Variants in ZFHX4 observed in about 807,000 individuals in gnomAD.
The protein encoded by ZFHX4 is zinc finger homeobox protein 4.
In ZFHX4, 56 loss-of-function variants were observed where a neutral mutation model predicts 267.6. That is an observed-to-expected ratio of 0.21 (90% CI 0.17 to 0.26). The LOEUF (loss-of-function observed/expected upper bound fraction) is 0.26. ZFHX4 is among the 10% of genes least tolerant of loss of function. ZFHX4 has a pLI of 1.00. For synonymous variants in ZFHX4, 1,778 were observed against 1,665.6 expected (o/e 1.07, Z -1.64); for missense variants, 4,332 against 4,420.0 (o/e 0.98, Z 0.56).
intron 4 of ZFHX4, among the ~76,000 whole-genome samples, chr8:76,827,099 C>A (rs1585984817): frequency 6.6e-6 from 1 of 152,220 alleles, no homozygotes; most frequent in South Asian, 2.1e-4. Flanking sequence ...TGGTCTCCAA[C>A]CTTTTTGGCA....
intron 3 of ZFHX4, among the ~76,000 whole-genome samples, chr8:76,736,866 C>G (rs1345689375): frequency 6.6e-6 from 1 of 152,002 alleles, no homozygotes; most frequent in African/African-American, 2.4e-5. Context: ...TAGGAGTAGT[C>G]CTGAAGCTGT....
At chr8:76,822,317 A>G (rs1379371492) in intron 4 of ZFHX4, among the ~76,000 whole-genome samples, 1 of 152,106 alleles carries the variant, frequency 6.6e-6, no homozygotes, top group East Asian at 1.9e-4. Context: ...TTGGTCCAAG[A>G]CACCATCATC....
chr8:76,857,309 A>G (rs137906813), intron 10 of ZFHX4, among the ~76,000 whole-genome samples: 6,825 of 149,950 alleles, frequency 0.046, 231 homozygotes, highest in Middle Eastern at 0.11. Flanking sequence ...TTCTTTTTAA[A>G]AGGAAAATTT....
At position 76,743,171 on chromosome 8, in the gene ZFHX4, A is replaced by G. The variant is rs188195170; in HGVS notation, c.3094-35037A>G. 2.0e-5 allele frequency among the ~76,000 whole-genome samples: 3 copies of G among 152,306 alleles called. No homozygotes were observed. In the East Asian group the frequency reaches 5.8e-4, roughly 29 times the overall value. Reference sequence around the variant, plus strand: ...ATTAAGAGTAGAGAGTTTGCCACTAACACAGCCACAGATTTCAGGCCTTCA... The same window carrying G: ...ATTAAGAGTAGAGAGTTTGCCACTAGCACAGCCACAGATTTCAGGCCTTCA... On this transcript the variant is annotated intron_variant, in intron 3 of 10. Transcript: ENST00000651372.
At chr8:76,766,522 C>T (rs980157907) in intron 3 of ZFHX4, among the ~76,000 whole-genome samples, 1 of 151,928 alleles carries the variant, frequency 6.6e-6, no homozygotes, top group Non-Finnish European at 1.5e-5. Context: ...GCCTGAAAAG[C>T]AAAAACACTA....
intron 8 of ZFHX4, 38 bp downstream of exon 8, chr8:76,849,750 C>T (rs1372879857): frequency 6.5e-7 from 1 of 1,539,450 alleles, no homozygotes. Context: ...GTGACATAAT[C>T]TGTGTCAGGA....
In ZFHX4 at chr8:76,853,152, C is replaced by T; in HGVS notation, c.6231C>T (p.Leu2077=). 1 of 1,527,022 alleles carries T rather than the reference C, an allele frequency of 6.5e-7. No homozygotes were observed. Among genetic ancestry groups the T allele is most frequent in the Non-Finnish European group, 8.8e-7 (1 of 1,134,810 alleles). 94.6% of individuals were successfully genotyped at this position (1,527,022 alleles called of 1,614,324 possible). A position where few individuals can be genotyped will look rare whatever the true frequency, so the allele number is the denominator to read the frequency against. The change falls in exon 10 of 11, where the codon CTC becomes CTT. Residue 2077 remains leucine (L), a synonymous_variant. Transcript: ENST00000651372. ...TGCCGGTTTCTCTGGACCTGCCGCT[C>T]TTTCCTTCCATTATGATGCAACCTG... is the stretch of plus-strand genomic sequence containing the variant. ...VQLPVSLDLP[L]FPSIMMQPVQ... is the part of the protein sequence containing the mutation.
Position 76,849,412 on chromosome 8 carries a change from A to G in ZFHX4, c.3646-100A>G, listed in dbSNP as rs76586616. The G allele has an allele frequency of 5.5e-4, 605 of 1,096,270 alleles. 4 individuals are homozygous for G. The African/African-American group carries it at 8.4e-3, about 15-fold the overall frequency. The allele number at this position is 1,096,270 out of a possible 1,614,324, so 67.9% of individuals were successfully genotyped here. A position where few individuals can be genotyped will look rare whatever the true frequency, so the allele number is the denominator to read the frequency against. ...GATTTGATTATTACACATTGTAAGCATGTACCAAAATATCACACGTACCCC... is the reference window on the plus strand; with the variant it reads ...GATTTGATTATTACACATTGTAAGCGTGTACCAAAATATCACACGTACCCC... On this transcript the variant is annotated intron_variant, in intron 7 of 10. Coordinates refer to ENST00000651372, the MANE Select transcript of ZFHX4 (RefSeq NM_024721.5).
chr8:76,856,370 G>T, intron 10 of ZFHX4, 70 bp downstream of exon 10: 1 of 1,548,492 alleles, frequency 6.5e-7, no homozygotes, highest in Non-Finnish European at 8.8e-7. Flanking sequence ...ATGTAACCAA[G>T]AACGGGGTGC....
At chr8:76,765,333 T>C (rs1810024084) in intron 3 of ZFHX4, among the ~76,000 whole-genome samples, 1 of 152,170 alleles carries the variant, frequency 6.6e-6, no homozygotes, top group Non-Finnish European at 1.5e-5. Flanking sequence ...TATTTTTCTT[T>C]ATGAAAAGTA....
At chr8:76,785,837 TG>T (rs1298045910) in intron 4 of ZFHX4, among the ~76,000 whole-genome samples, 1 of 152,186 alleles carries the variant, frequency 6.6e-6, no homozygotes, top group Non-Finnish European at 1.5e-5. Context: ...AATGGTCATT[TG>T]GCTTGAATGT....
intron 3 of ZFHX4, among the ~76,000 whole-genome samples, chr8:76,748,557 C>A (rs1259486655): frequency 1.3e-5 from 2 of 152,212 alleles, no homozygotes; most frequent in East Asian, 3.8e-4. Context: ...ACCTCAGCCT[C>A]CTGAGTAGCT....
chr8:76,695,068 G>T (rs1302105450), intron 1 of ZFHX4, among the ~76,000 whole-genome samples: 1 of 151,914 alleles, frequency 6.6e-6, no homozygotes, highest in Admixed American at 6.6e-5. Context: ...GGGAAATATT[G>T]GGATTAGCCA....
intron 10 of ZFHX4, among the ~76,000 whole-genome samples, chr8:76,862,230 T>C (rs1052458471): frequency 6.6e-6 from 1 of 152,196 alleles, no homozygotes; most frequent in African/African-American, 2.4e-5. Context: ...TACATTCCTC[T>C]AGGAGTTATG....
At position 76,853,000 on chromosome 8, in the gene ZFHX4, A is replaced by G. The variant is rs1812583368; in HGVS notation, c.6079A>G (p.Ile2027Val). The G allele has an allele frequency of 6.5e-7, 1 of 1,535,362 alleles. No homozygotes were observed. The highest frequency in any genetic ancestry group is 8.8e-7 in the Non-Finnish European group (1 of 1,134,446). Residue 2027 changes from isoleucine to valine, a missense_variant, in exon 10 of 11, where the codon ATC becomes GTC. Transcript: ENST00000651372. ...PQPSSMGPVK[I>V]PNTVSTPLQA... is the part of the protein sequence containing the mutation. ...GCCTTCTTCTATGGGTCCTGTAAAG[A>G]TCCCCAACACGGTTTCTACTCCTCT...
At chr8:76,713,496 CTGTA>C (rs1182048957) in intron 3 of ZFHX4, among the ~76,000 whole-genome samples, 3 of 152,154 alleles carry the variant, frequency 2.0e-5, no homozygotes, top group Non-Finnish European at 4.4e-5. Flanking sequence ...ACTCTATTTT[CTGTA>C]TGTCTTTTCT....
chr8:76,719,150 A>ATG (rs10589034), intron 3 of ZFHX4, among the ~76,000 whole-genome samples: 4,353 of 134,370 alleles, frequency 0.032, 89 homozygotes, highest in East Asian at 0.12. Flanking sequence ...GATGAATTGC[A>ATG]TGTGTGTGTG....
At chr8:76,770,464 G>T (rs1810233481) in intron 3 of ZFHX4, among the ~76,000 whole-genome samples, 1 of 152,074 alleles carries the variant, frequency 6.6e-6, no homozygotes, top group Non-Finnish European at 1.5e-5. Context: ...GCCAGTAGTT[G>T]TACCTCTTCA....
Position 76,682,115 on chromosome 8 carries a change from C to A in ZFHX4, c.-47+495C>A, listed in dbSNP as rs994132940. On this transcript the variant is annotated intron_variant, in intron 1 of 10. Coordinates refer to ENST00000651372, the MANE Select transcript of ZFHX4 (RefSeq NM_024721.5). ...GCGGGCACTGCCAGGGGTCTCCGCT[C>A]GCCCCGCGCCCCTGCACCCCGATCG... Among the ~76,000 whole-genome samples, 9 of 151,986 alleles carry A rather than the reference C, an allele frequency of 5.9e-5. No homozygotes were observed. The South Asian group carries it at 6.2e-4, about 11-fold the overall frequency.
Sources: allele counts gnomAD v4.1 joint callset (sites outside exome capture counted in the v4.1 genomes callset), GRCh38; gene constraint gnomAD v4.1.1; transcripts MANE v1.5; gene names NCBI Gene and HGNC (gene_info 2026-07-23, HGNC 2026-07-21).